DNAH6: variants seen among roughly 807,000 people sequenced by gnomAD.
DNAH6 encodes the protein dynein axonemal heavy chain 6.
DNAH6 carries 340 observed loss-of-function variants against 491.4 expected under a neutral mutation model. The ratio of observed to expected loss-of-function variants is 0.69; its 90% CI spans 0.63 to 0.76. The LOEUF (loss-of-function observed/expected upper bound fraction) is 0.76, where lower values mean the gene tolerates loss of function less well. Ranked by LOEUF, DNAH6 falls within the 30% of genes least tolerant of loss-of-function variation. The pLI, the probability that DNAH6 is intolerant of heterozygous loss-of-function variation, is 0.00. For synonymous variants in DNAH6, 1,603 were observed against 1,686.1 expected, an observed-to-expected ratio of 0.95 and a Z score of 1.21; for missense variants, 4,443 against 4,972.2, an observed-to-expected ratio of 0.89 and a Z score of 3.20.
At chr2:84,494,924 G>T in the DNAH6 span, among the ~76,000 whole-genome samples, 3 of 152,172 alleles carry the variant, frequency 2.0e-5, no homozygotes, top group Non-Finnish European at 4.4e-5. Context: ...TGACTAGCAA[G>T]CTCTCAGGTG....
intron 60 of DNAH6, among the ~76,000 whole-genome samples, chr2:84,723,227 C>CA (rs984676777): frequency 3.4e-5 from 5 of 147,916 alleles, no homozygotes; most frequent in Admixed American, 6.7e-5. Flanking sequence ...GACTCTGTCT[C>CA]AAAAAAAATA....
At chr2:84,485,113 CT>C in the DNAH6 span, among the ~76,000 whole-genome samples, 2 of 152,162 alleles carry the variant, frequency 1.3e-5, no homozygotes, top group Non-Finnish European at 2.9e-5. Context: ...CTCTAACCTC[CT>C]TTATTCTTCT....
At chr2:84,578,026 C>T (rs1020656442) in intron 13 of DNAH6, among the ~76,000 whole-genome samples, 1 of 152,170 alleles carries the variant, frequency 6.6e-6, no homozygotes, top group Non-Finnish European at 1.5e-5. Flanking sequence ...GTTTACATAT[C>T]ATCTATGGCT....
chr2:84,581,560 G>A (rs1683032231), intron 14 of DNAH6, among the ~76,000 whole-genome samples: 3 of 152,176 alleles, frequency 2.0e-5, no homozygotes. Flanking sequence ...CTGTGTGGAG[G>A]ATGGAATATT....
At chr2:84,713,424 T>C (rs921461297) in intron 57 of DNAH6, among the ~76,000 whole-genome samples, 165 bp downstream of exon 57, 1 of 152,252 alleles carries the variant, frequency 6.6e-6, no homozygotes, top group East Asian at 1.9e-4. Context: ...GCTTCCCTTC[T>C]GAGCTTTGAT....
chr2:84,466,736 C>G, the DNAH6 span, among the ~76,000 whole-genome samples: 2 of 152,130 alleles, frequency 1.3e-5, no homozygotes, highest in East Asian at 3.8e-4. Flanking sequence ...AGTTAGAGTT[C>G]TATAATTGAT....
At chr2:84,652,132 T>C (rs1690509993) in intron 33 of DNAH6, among the ~76,000 whole-genome samples, 1 of 152,076 alleles carries the variant, frequency 6.6e-6, no homozygotes, top group South Asian at 2.1e-4. Context: ...ACGTATGATA[T>C]TTCTACAGGG....
intron 18 of DNAH6, among the ~76,000 whole-genome samples, chr2:84,598,127 T>TTTTCTTTCTTTCTTTC (rs56356355): frequency 0.12 from 13,221 of 109,048 alleles, 1,195 homozygotes; most frequent in Non-Finnish European, 0.14. Context: ...TCTATCTTTC[T>TTTTCTTTCTTTCTTTC]TTTCTTTCTT....
At position 84,586,713 on chromosome 2, in the gene DNAH6, T is replaced by C. The variant is rs562666505; in HGVS notation, c.2482-2113T>C. Among the ~76,000 whole-genome samples the C allele has an allele frequency of 2.0e-5, 3 of 152,256 alleles. No homozygotes were observed. The South Asian group carries it at 6.2e-4, about 32-fold the overall frequency. On this transcript the variant is annotated intron_variant, in intron 15 of 76. Transcript: ENST00000389394. ...ATTCACATTTTACAGAAAAGGAAAT[T>C]AGGGGACAGGGTTAAGTAACTTGCC...
intron 5 of DNAH6, 87 bp downstream of exon 5, chr2:84,544,587 T>C: frequency 1.3e-6 from 1 of 744,482 alleles, no homozygotes; most frequent in Non-Finnish European, 2.1e-6. Context: ...AGACTGTTCT[T>C]GAAATCAAAT....
At position 84,814,051 on chromosome 2, in the gene DNAH6, C is replaced by A. The variant is rs769810877; in HGVS notation, c.12079C>A (p.Arg4027=). The change falls in exon 75 of 77, where the codon CGG becomes AGG. Residue 4027 remains arginine, a synonymous_variant. Transcript: ENST00000389394. ...SFKYSVIPTY[R]DQAAVIEAAK... is the part of the protein sequence containing the mutation. Reference sequence around the variant, plus strand: ...CAAATACAGCGTAATTCCCACCTATCGGGATCAAGCTGCAGTGATAGAAGC... The same window carrying A: ...CAAATACAGCGTAATTCCCACCTATAGGGATCAAGCTGCAGTGATAGAAGC... The A allele has an allele frequency of 7.1e-6, 11 of 1,551,708 alleles. No homozygotes were observed. Among genetic ancestry groups the A allele is most frequent in the Non-Finnish European group, 9.6e-6 (11 of 1,146,962 alleles).
At chr2:84,559,848 A>G (rs796245767) in intron 11 of DNAH6, among the ~76,000 whole-genome samples, 6 of 152,322 alleles carry the variant, frequency 3.9e-5, no homozygotes, top group African/African-American at 1.4e-4. Flanking sequence ...AAAAAAGACA[A>G]AATCATCTCA....
At chr2:84,501,038 T>G in the DNAH6 span, among the ~76,000 whole-genome samples, 1 of 152,214 alleles carries the variant, frequency 6.6e-6, no homozygotes, top group Admixed American at 6.5e-5. Context: ...GTCTGATTGC[T>G]CTAGCTAAGA....
At chr2:84,704,401 C>A (rs1696235434) in intron 51 of DNAH6, 99 bp downstream of exon 51, 1 of 872,556 alleles carries the variant, frequency 1.1e-6, no homozygotes, top group African/African-American at 1.7e-5. Flanking sequence ...TCTCCACCTT[C>A]TCATTGCTTC....
intron 64 of DNAH6, among the ~76,000 whole-genome samples, chr2:84,776,702 AC>A (rs1676156446): frequency 6.6e-6 from 1 of 152,136 alleles, no homozygotes; most frequent in Non-Finnish European, 1.5e-5. Context: ...TTGTTTCCTG[AC>A]TTTTTAATGA....
At chr2:84,518,078 CT>C in intron 2 of DNAH6, 27 bp downstream of exon 2, 1 of 1,493,836 alleles carries the variant, frequency 6.7e-7, no homozygotes, top group Non-Finnish European at 9.0e-7. Flanking sequence ...TTGTTTTAGC[CT>C]CTGTAGCCAC....
At chr2:84,709,664 G>A (rs540883389) in intron 55 of DNAH6, 118 bp downstream of exon 55, 69 of 1,112,906 alleles carry the variant, frequency 6.2e-5, no homozygotes, top group Non-Finnish European at 8.4e-5. Context: ...CATACATGGA[G>A]ATTTAGACCT....
At position 84,638,615 on chromosome 2, in the gene DNAH6, GT is replaced by G. The variant is rs1167852127; in HGVS notation, c.4821+1239del. Among the ~76,000 whole-genome samples the G allele has an allele frequency of 1.1e-3, 169 of 152,314 alleles. 1 individual carries two copies. The highest frequency in any genetic ancestry group is 3.9e-3 in the African/African-American group (161 of 41,574). ...AAATATTCTTCTATGTGAAATAAAA[GT>G]AATTGCTTAAGAATAGAGTAGACTG... On this transcript the variant is annotated intron_variant, in intron 31 of 76. Coordinates refer to ENST00000389394, the MANE Select transcript of DNAH6 (RefSeq NM_001370.2).
At chr2:84,477,853 G>T in the DNAH6 span, among the ~76,000 whole-genome samples, 1 of 152,176 alleles carries the variant, frequency 6.6e-6, no homozygotes, top group Non-Finnish European at 1.5e-5. Flanking sequence ...AGCTTTGTAT[G>T]AATTCACCCA....
Sources: allele counts gnomAD v4.1 joint callset (sites outside exome capture counted in the v4.1 genomes callset), GRCh38; gene constraint gnomAD v4.1.1; transcripts MANE v1.5; gene names NCBI Gene and HGNC (gene_info 2026-07-23, HGNC 2026-07-21).